The following FAM135A variants were observed in gnomAD, a reference collection of about 807,000 sequenced individuals.
The protein encoded by FAM135A is protein FAM135A.
In FAM135A, 79 loss-of-function variants were observed where a neutral mutation model predicts 146.8. The ratio of observed to expected loss-of-function variants is 0.54; its 90% confidence interval spans 0.45 to 0.65. The LOEUF (loss-of-function observed/expected upper bound fraction) is 0.65, where lower values mean the gene tolerates loss of function less well. Among genes scored for constraint, FAM135A ranks in the 30% least tolerant of loss-of-function variants. The pLI, the probability that FAM135A is intolerant of heterozygous loss-of-function variation, is 0.00. For synonymous variants in FAM135A, 562 were observed against 603.6 expected, an observed-to-expected ratio of 0.93 and a Z score of 1.01; for missense variants, 1,623 against 1,758.2, an observed-to-expected ratio of 0.92 and a Z score of 1.38.
chr6:70,502,685 C>T lies in FAM135A; in HGVS notation c.923C>T (p.Ala308Val), dbSNP rs776272559. The T allele has an allele frequency of 7.6e-5, 123 of 1,612,904 alleles. No individual in the cohort carries two copies. The highest frequency in any genetic ancestry group is 1.1e-4 in the African/African-American group (8 of 74,958). ...ELAELINMNL[A>V]QLCSLLMALW... ...GCAGAACTTATAAATATGAATCTTG[C>T]GCAACTTTGCTCACTTTTGATGGCT... Residue 308 changes from alanine (A) to valine (V), a missense_variant, in exon 12 of 22, where the codon GCG (alanine) becomes GTG (valine). Ala to Val is a moderately conservative substitution (Grantham distance 64). Coordinates refer to ENST00000418814, the MANE Select transcript of FAM135A (RefSeq NM_001162529.3).
chr6:70,476,130 A>G (rs1212948817), intron 7 of FAM135A, among the ~76,000 whole-genome samples: 1 of 152,154 alleles, frequency 6.6e-6, no homozygotes, highest in Non-Finnish European at 1.5e-5. Context: ...ATCAAGACTG[A>G]CGATGTGCAC....
intron 18 of FAM135A, among the ~76,000 whole-genome samples, chr6:70,534,255 ATATATG>A (rs1036361166): frequency 2.0e-5 from 1 of 50,756 alleles, no homozygotes; most frequent in African/African-American, 1.5e-4. Context: ...TATGTATATG[ATATATG>A]TATATGATAT....
Position 70,550,252 on chromosome 6 carries a change from G to C in FAM135A, c.4229-6498G>C, listed in dbSNP as rs528758703. On this transcript the variant is annotated intron_variant, in intron 20 of 21. Transcript: ENST00000418814. Reference sequence around the variant, plus strand: ...CCATGAATCATGAATGTTCTTAATGGCATCTGTAATGGTGAATTTTTTCCA... The same window carrying C: ...CCATGAATCATGAATGTTCTTAATGCCATCTGTAATGGTGAATTTTTTCCA... Among the ~76,000 whole-genome samples, 6 of 152,252 alleles carry C rather than the reference G, an allele frequency of 3.9e-5. No individual in the cohort carries two copies. The South Asian group carries it at 1.2e-3, about 32-fold the overall frequency.
chr6:70,522,885 T>G (rs115840900), intron 13 of FAM135A, among the ~76,000 whole-genome samples: 190 of 152,330 alleles, frequency 1.2e-3, no homozygotes, highest in African/African-American at 4.3e-3. Context: ...TTTAGCCATA[T>G]TCTGTCTTTA....
At chr6:70,420,977 G>A (rs1463651285) in intron 2 of FAM135A, among the ~76,000 whole-genome samples, 1 of 151,780 alleles carries the variant, frequency 6.6e-6, no homozygotes, top group Non-Finnish European at 1.5e-5. Context: ...AACCTCCTGG[G>A]CTCAAGCAGT....
rs1766780894 is a variant in FAM135A, at chr6:70,413,727, G to A, written c.-220+25G>A. ...GGTAACCCCCTTACTGTCCCCTCTG[G>A]CTCCCCCGGCTCCCGACACCCACGA... is the stretch of plus-strand genomic sequence containing the variant. On this transcript the variant is annotated intron_variant, in intron 1 of 21. Transcript: ENST00000418814. The A allele has an allele frequency of 3.6e-6, 3 of 839,354 alleles. No homozygotes were observed. In the African/African-American group the frequency reaches 5.5e-5, roughly 15 times the overall value. The allele number at this position is 839,354 out of a possible 1,614,324, so 52.0% of individuals were successfully genotyped here.
intron 20 of FAM135A, among the ~76,000 whole-genome samples, chr6:70,540,415 C>G (rs1939411077): frequency 6.7e-6 from 1 of 150,316 alleles, no homozygotes; most frequent in Admixed American, 6.7e-5. Flanking sequence ...AGCTCCGCCT[C>G]CCGAGTTCAC....
chr6:70,524,883 C>T lies in FAM135A; in HGVS notation c.1799C>T (p.Pro600Leu). The T allele has an allele frequency of 6.2e-7, 1 of 1,612,562 alleles. No homozygotes were observed. Among genetic ancestry groups the T allele is most frequent in the South Asian group, 1.1e-5 (1 of 90,820 alleles). Residue 600 changes from proline to leucine, a missense_variant, in exon 15 of 22, where the codon CCT (proline) becomes CTT (leucine). By Grantham distance (98) the Pro-to-Leu change is moderately conservative. Around this residue, in one of 7 missense-constraint regions of FAM135A, gnomAD observed 1,061 missense variants for 1,113.8 expected, o/e 0.95. Coordinates refer to ENST00000418814, the MANE Select transcript of FAM135A (RefSeq NM_001162529.3). ...AATGTTCAACCAGACCAGTTTGATC[C>T]TTTGAACTCTGGCAACCTAAATCTT... ...IENVQPDQFD[P>L]LNSGNLNLCA...
intron 5 of FAM135A, among the ~76,000 whole-genome samples, chr6:70,453,995 TC>T (rs1777700965): frequency 6.6e-6 from 1 of 152,214 alleles, no homozygotes; most frequent in African/African-American, 2.4e-5. Flanking sequence ...CACAGTGTCT[TC>T]CATAATGGTT....
chr6:70,423,165 C>T (rs954325270), intron 2 of FAM135A, among the ~76,000 whole-genome samples: 4 of 151,940 alleles, frequency 2.6e-5, no homozygotes, highest in Non-Finnish European at 5.9e-5. Context: ...TTCATGCGTT[C>T]AAAGAGTAGA....
rs1367225139 is a variant in FAM135A, at chr6:70,522,513, G to C, written c.1030G>C (p.Val344Leu). The change falls in exon 13 of 22, where the codon GTA (valine) becomes CTA (leucine). Residue 344 changes from valine (V) to leucine (L), a missense_variant and splice_region_variant. By Grantham distance (32) the Val-to-Leu change is conservative (BLOSUM62 1). Transcript: ENST00000418814. ...LLAQEHHTLR[V>L]RRFSEAFFCF... ...AATACTCTCCTTTGGAATTTTTTAGGTACGCAGATTTTCTGAGGCATTCTT... is the reference window on the plus strand; with the variant it reads ...AATACTCTCCTTTGGAATTTTTTAGCTACGCAGATTTTCTGAGGCATTCTT... The C allele has an allele frequency of 6.2e-7, 1 of 1,611,976 alleles. No homozygotes were observed. The highest frequency in any genetic ancestry group is 1.3e-5 in the African/African-American group (1 of 74,834).
At chr6:70,467,703 T>C (rs1294011755) in intron 5 of FAM135A, among the ~76,000 whole-genome samples, 1 of 151,868 alleles carries the variant, frequency 6.6e-6, no homozygotes, top group African/African-American at 2.4e-5. Flanking sequence ...CCCACTCCCT[T>C]TCTCCTTCTT....
At chr6:70,413,917 C>T in intron 1 of FAM135A, 1 of 985,280 alleles carries the variant, frequency 1.0e-6, no homozygotes, top group Non-Finnish European at 1.2e-6. Flanking sequence ...CTGAGGGAGG[C>T]GAGGGGCCGC....
intron 10 of FAM135A, among the ~76,000 whole-genome samples, chr6:70,487,118 A>C (rs1363330417): frequency 6.6e-6 from 1 of 151,582 alleles, no homozygotes; most frequent in South Asian, 2.1e-4. Context: ...AGCTTTAAAA[A>C]AAGAAATAGA....
intron 20 of FAM135A, among the ~76,000 whole-genome samples, chr6:70,543,650 C>T (rs551245722): frequency 7.2e-5 from 11 of 152,216 alleles, no homozygotes; most frequent in African/African-American, 1.9e-4. Context: ...TAGCTAGAAC[C>T]GTTGTGTGGA....
intron 20 of FAM135A, among the ~76,000 whole-genome samples, chr6:70,547,262 G>A (rs1349776947): frequency 6.6e-6 from 1 of 152,112 alleles, no homozygotes; most frequent in Non-Finnish European, 1.5e-5. Context: ...TAAATAATAT[G>A]TATATTTTGT....
intron 21 of FAM135A, chr6:70,557,228 A>T: frequency 2.8e-6 from 1 of 354,040 alleles, no homozygotes; most frequent in Non-Finnish European, 5.1e-6. Flanking sequence ...CTTTACTGAT[A>T]GTAAATGATA....
intron 16 of FAM135A, among the ~76,000 whole-genome samples, chr6:70,531,970 C>G (rs771724393): frequency 2.0e-5 from 3 of 149,480 alleles, no homozygotes; most frequent in Non-Finnish European, 4.4e-5. Flanking sequence ...GCAAGCTCCA[C>G]CTCCCAGGTT....
intron 12 of FAM135A, among the ~76,000 whole-genome samples, chr6:70,512,827 T>A (rs1791336439): frequency 6.6e-6 from 1 of 151,864 alleles, no homozygotes; most frequent in South Asian, 2.1e-4. Flanking sequence ...TTATGTTTAG[T>A]ACTTTTGTGT....
Sources: gnomAD v4.1 joint callset for allele counts (sites outside exome capture counted in the v4.1 genomes callset) on GRCh38, gnomAD v4.1.1 for gene constraint, gnomAD v4.1.1 regional missense constraint, MANE v1.5 for transcripts, NCBI Gene and HGNC (gene_info 2026-07-23, HGNC 2026-07-21) for gene names.